LARGE1: variants seen among roughly 807,000 people sequenced by gnomAD.
LARGE1 encodes LARGE xylosyl- and glucuronyltransferase 1.
LARGE1 carries 43 observed loss-of-function variants against 87.6 expected under a neutral mutation model. That is an observed-to-expected ratio of 0.49 (90% confidence interval 0.38 to 0.63). The LOEUF is 0.63. LARGE1 is among the 30% of genes least tolerant of loss of function. LARGE1 has a pLI of 0.00. For missense variants in LARGE1, 802 were observed against 1,000.2 expected, an observed-to-expected ratio of 0.80 and a Z score of 2.67; for synonymous variants, 434 against 394.6, an observed-to-expected ratio of 1.10 and a Z score of -1.18.
rs551908097 is a variant in LARGE1 at position 33,216,726 on chromosome 22, T to C, written c.1731-49894A>G. ...GGGCAACAGAGTAAAGCCCCAGTGATACTCTCTTGAGATACCATGTAGCAC... is the reference window on the plus strand; with the variant it reads ...GGGCAACAGAGTAAAGCCCCAGTGACACTCTCTTGAGATACCATGTAGCAC... On this transcript the variant is annotated intron_variant, in intron 11 of 11. Transcript: ENST00000608642. Among the ~76,000 whole-genome samples, 6 of 150,980 alleles carry C rather than the reference T, an allele frequency of 4.0e-5. No individual in the cohort carries two copies. The East Asian group carries it at 1.2e-3, about 29-fold the overall frequency.
intron 2 of LARGE1, chr22:33,737,592 G>A (rs1468360768): frequency 6.6e-6 from 1 of 152,150 alleles, no homozygotes; most frequent in Non-Finnish European, 1.5e-5. Context: ...CGTGTGCAAA[G>A]CACTCTACCT....
chr22:33,396,668 T>C (rs1345076689), intron 7 of LARGE1, among the ~76,000 whole-genome samples: 1 of 152,144 alleles, frequency 6.6e-6, no homozygotes, highest in Non-Finnish European at 1.5e-5. Context: ...AACACAGTCG[T>C]CCCTGCCCGA....
chr22:33,831,749 T>TACACACACACACAC (rs5845118), intron 1 of LARGE1, among the ~76,000 whole-genome samples: 148 of 146,860 alleles, frequency 1.0e-3, no homozygotes, highest in African/African-American at 3.6e-3. Flanking sequence ...CACATGCATG[T>TACACACACACACAC]ACACACACAC....
chr22:33,509,883 T>C (rs1167840587), intron 6 of LARGE1, among the ~76,000 whole-genome samples: 1 of 152,172 alleles, frequency 6.6e-6, no homozygotes, highest in Non-Finnish European at 1.5e-5. Context: ...AAGTGAGCGG[T>C]GCATGTTTAC....
chr22:33,825,566 C>A (rs1601708215), intron 1 of LARGE1, among the ~76,000 whole-genome samples: 1 of 152,034 alleles, frequency 6.6e-6, no homozygotes, highest in African/African-American at 2.4e-5. Flanking sequence ...GGGAAAGCCC[C>A]TTCTAAAACT....
chr22:33,465,991 G>C (rs546800512), intron 6 of LARGE1, among the ~76,000 whole-genome samples: 1 of 151,994 alleles, frequency 6.6e-6, no homozygotes, highest in African/African-American at 2.4e-5. Flanking sequence ...TTCCCTACTC[G>C]AAAAGTCTAG....
At chr22:33,281,426 G>A (rs5998841) in intron 13 of LARGE1, among the ~76,000 whole-genome samples, 10,001 of 152,086 alleles carry the variant, frequency 0.066, 1,125 homozygotes, top group African/African-American at 0.23. Context: ...ATCAGTAGCT[G>A]GATGGCATTC....
chr22:33,584,910 A>C (rs2078625661), intron 5 of LARGE1, among the ~76,000 whole-genome samples: 1 of 152,196 alleles, frequency 6.6e-6, no homozygotes, highest in Non-Finnish European at 1.5e-5. Context: ...TGAGGTCGGG[A>C]GTTTGAGACC....
the LARGE1 span, among the ~76,000 whole-genome samples, chr22:33,135,557 C>T: frequency 5.6e-3 from 852 of 152,108 alleles, 10 homozygotes; most frequent in African/African-American, 0.02. Flanking sequence ...AGTGAGAAGC[C>T]GACCGGACAC....
intron 6 of LARGE1, among the ~76,000 whole-genome samples, chr22:33,484,674 T>C (rs1185041850): frequency 1.3e-5 from 2 of 152,150 alleles, no homozygotes; most frequent in African/African-American, 4.8e-5. Context: ...ATGGTTGCTT[T>C]TACTTTGTCT....
chr22:33,156,554 C>G, the LARGE1 span, among the ~76,000 whole-genome samples: 1 of 152,146 alleles, frequency 6.6e-6, no homozygotes, highest in Admixed American at 6.6e-5. Context: ...TGTATTTACC[C>G]AATGCCTGTA....
chr22:33,248,855 A>C (rs1926889359), intron 11 of LARGE1, among the ~76,000 whole-genome samples: 1 of 152,196 alleles, frequency 6.6e-6, no homozygotes, highest in Non-Finnish European at 1.5e-5. Flanking sequence ...TGTGCATTTA[A>C]GGTTCCTCCG....
chr22:33,283,458 C>T (rs1017400263), intron 12 of LARGE1, 110 bp from the exon 13 acceptor site: 2 of 1,196,000 alleles, frequency 1.7e-6, no homozygotes, highest in African/African-American at 1.5e-5. Flanking sequence ...GGAAAGAAAG[C>T]TCAGGTCATC....
chr22:33,785,297 A>G (rs566330719), intron 1 of LARGE1, among the ~76,000 whole-genome samples: 15 of 151,866 alleles, frequency 9.9e-5, no homozygotes, highest in Non-Finnish European at 2.1e-4. Context: ...ATATATGTGT[A>G]TATATATACA....
At chr22:33,687,899 T>G (rs771990447) in intron 2 of LARGE1, among the ~76,000 whole-genome samples, 3 of 152,146 alleles carry the variant, frequency 2.0e-5, no homozygotes, top group Non-Finnish European at 4.4e-5. Context: ...CTCTTGATGG[T>G]AAACATAATA....
At chr22:33,435,033 C>T (rs1227891417) in intron 6 of LARGE1, among the ~76,000 whole-genome samples, 1 of 152,192 alleles carries the variant, frequency 6.6e-6, no homozygotes, top group African/African-American at 2.4e-5. Flanking sequence ...TGGAGTCTTG[C>T]TCTGTCGCCC....
intron 6 of LARGE1, among the ~76,000 whole-genome samples, chr22:33,501,417 T>TA (rs1451129847): frequency 2.0e-5 from 3 of 152,024 alleles, no homozygotes; most frequent in Admixed American, 2.0e-4. Context: ...TCTGGACACT[T>TA]ACACCTGCGA....
At chr22:33,616,396 G>A (rs1335410138) in intron 4 of LARGE1, among the ~76,000 whole-genome samples, 2 of 152,046 alleles carry the variant, frequency 1.3e-5, no homozygotes, top group African/African-American at 2.4e-5. Context: ...GCTGGGCATG[G>A]TGGCAGGCAC....
chr22:33,539,353 T>C (rs2077126267), intron 6 of LARGE1, among the ~76,000 whole-genome samples: 1 of 152,254 alleles, frequency 6.6e-6, no homozygotes, highest in Non-Finnish European at 1.5e-5. Context: ...CATCCGCACT[T>C]CACACTCATC....
Sources: gnomAD v4.1 joint callset for allele counts (sites outside exome capture counted in the v4.1 genomes callset) on GRCh38, gnomAD v4.1.1 for gene constraint, MANE v1.5 for transcripts, NCBI Gene and HGNC (gene_info 2026-07-23, HGNC 2026-07-21) for gene names.